The following KCNMA1 variants were observed in gnomAD, a reference collection of about 807,000 sequenced individuals.
KCNMA1 encodes potassium calcium-activated channel subfamily M alpha 1.
A neutral mutation model predicts 140.0 loss-of-function variants in KCNMA1; 29 were observed. The observed-to-expected ratio is 0.21, with a 90% CI of 0.15 to 0.28. The LOEUF is 0.28. Ranked by LOEUF, KCNMA1 falls within the 10% of genes least tolerant of loss-of-function variation. KCNMA1 has a pLI of 1.00. For missense variants in KCNMA1, 880 were observed against 1,602.2 expected, an observed-to-expected ratio of 0.55 and a Z score of 7.70; for synonymous variants, 612 against 611.9, an observed-to-expected ratio of 1.00 and a Z score of 0.00.
intron 1 of KCNMA1, among the ~76,000 whole-genome samples, chr10:77,527,540 C>G (rs1046912854): frequency 6.6e-6 from 1 of 152,126 alleles, no homozygotes; most frequent in East Asian, 1.9e-4. Context: ...CCAGGATGTC[C>G]AGGCCAGGAG....
intron 2 of KCNMA1, among the ~76,000 whole-genome samples, chr10:77,355,840 G>A (rs534551678): frequency 2.1e-4 from 25 of 117,586 alleles, no homozygotes; most frequent in Admixed American, 1.3e-3. Flanking sequence ...CATCCTTCTG[G>A]TAAAAGGAGA....
intron 9 of KCNMA1, among the ~76,000 whole-genome samples, chr10:77,097,202 G>C (rs2096955944): frequency 6.6e-6 from 1 of 152,100 alleles, no homozygotes; most frequent in Non-Finnish European, 1.5e-5. Context: ...ATGTCCTTCA[G>C]GGTTACTGTT....
chr10:76,969,311 A>AAGGGAGGAAGGAAGGAAGGAAGGAAGGG (rs1216095776), intron 20 of KCNMA1, among the ~76,000 whole-genome samples: 1 of 148,936 alleles, frequency 6.7e-6, no homozygotes, highest in Non-Finnish European at 1.5e-5. Flanking sequence ...GGAAGGAAGG[A>AAGGGAGGAAGGAAGGAAGGAAGGAAGGG]AGGAAGGAAG....
chr10:77,096,122 G>A (rs1012766834), intron 9 of KCNMA1, among the ~76,000 whole-genome samples: 2 of 152,144 alleles, frequency 1.3e-5, no homozygotes, highest in Non-Finnish European at 2.9e-5. Context: ...CTTTGATGTG[G>A]AAACAGGTTG....
At chr10:77,496,596 C>CA (rs201304328) in intron 1 of KCNMA1, among the ~76,000 whole-genome samples, 10,782 of 62,190 alleles carry the variant, frequency 0.17, 2,786 homozygotes, top group East Asian at 0.47. Flanking sequence ...GACACTGTCT[C>CA]AAAAAAAAAA....
At chr10:77,130,271 A>C (rs1387145201) in intron 5 of KCNMA1, among the ~76,000 whole-genome samples, 1 of 152,166 alleles carries the variant, frequency 6.6e-6, no homozygotes, top group African/African-American at 2.4e-5. Flanking sequence ...ACAGTATTCA[A>C]TACATTACAC....
intron 1 of KCNMA1, among the ~76,000 whole-genome samples, chr10:77,553,922 T>C (rs907523926): frequency 6.6e-6 from 1 of 152,076 alleles, no homozygotes; most frequent in Non-Finnish European, 1.5e-5. Flanking sequence ...AACACAGATT[T>C]GATATTCCAC....
chr10:77,539,807 C>T (rs899312862), intron 1 of KCNMA1, among the ~76,000 whole-genome samples: 19 of 152,188 alleles, frequency 1.2e-4, no homozygotes, highest in Admixed American at 2.0e-4. Context: ...AGCTCTGCTT[C>T]GTAATCTGCC....
At chr10:77,216,196 G>T (rs560336891) in intron 3 of KCNMA1, among the ~76,000 whole-genome samples, 1 of 152,286 alleles carries the variant, frequency 6.6e-6, no homozygotes, top group Non-Finnish European at 1.5e-5. Context: ...GGGACTGGGA[G>T]AATGTGGAAT....
At chr10:77,417,433 C>T (rs1454276663) in intron 1 of KCNMA1, among the ~76,000 whole-genome samples, 1 of 152,198 alleles carries the variant, frequency 6.6e-6, no homozygotes, top group Non-Finnish European at 1.5e-5. Context: ...TCCCAGGCAT[C>T]ACTGACGTCT....
chr10:76,949,921 C>T (rs1008188755), intron 21 of KCNMA1, among the ~76,000 whole-genome samples: 34 of 152,234 alleles, frequency 2.2e-4, no homozygotes, highest in African/African-American at 6.0e-4. Context: ...TGGAAAACTA[C>T]GACCCACAGG....
chr10:77,443,150 G>A (rs2097445772), intron 1 of KCNMA1, among the ~76,000 whole-genome samples: 2 of 152,178 alleles, frequency 1.3e-5, no homozygotes, highest in African/African-American at 4.8e-5. Context: ...TCCCACGAGG[G>A]GCCAGACTGG....
intron 1 of KCNMA1, among the ~76,000 whole-genome samples, chr10:77,412,256 C>G (rs1223130685): frequency 6.6e-6 from 1 of 152,190 alleles, no homozygotes; most frequent in Non-Finnish European, 1.5e-5. Flanking sequence ...CCCCTTTGTC[C>G]TCAAATTTTC....
chr10:76,883,911 A>T, downstream of KCNMA1: 4 of 683,688 alleles, frequency 5.9e-6, no homozygotes, highest in Non-Finnish European at 7.2e-6. Context: ...AATTTTGGCA[A>T]ATAAAATTGA....
At chr10:77,086,187 A>T (rs901582231) in intron 11 of KCNMA1, among the ~76,000 whole-genome samples, 1 of 152,240 alleles carries the variant, frequency 6.6e-6, no homozygotes, top group Non-Finnish European at 1.5e-5. Context: ...CTGGGTCCAT[A>T]TAACTGGTCT....
At chr10:76,900,687 T>G (rs1200039691) in intron 25 of KCNMA1, among the ~76,000 whole-genome samples, 1 of 152,104 alleles carries the variant, frequency 6.6e-6, no homozygotes, top group African/African-American at 2.4e-5. Context: ...ATATAAAATA[T>G]GTATTTACAT....
intron 15 of KCNMA1, among the ~76,000 whole-genome samples, chr10:77,033,680 A>T (rs2094113455): frequency 6.6e-6 from 1 of 152,090 alleles, no homozygotes; most frequent in Non-Finnish European, 1.5e-5. Context: ...CGTCCACCCC[A>T]TTTCCAACAG....
At chr10:77,344,147 C>G (rs1357399075) in intron 2 of KCNMA1, among the ~76,000 whole-genome samples, 2 of 152,212 alleles carry the variant, frequency 1.3e-5, no homozygotes, top group African/African-American at 4.8e-5. Flanking sequence ...TGGAAATTTA[C>G]AGGAGCAACT....
intron 1 of KCNMA1, among the ~76,000 whole-genome samples, chr10:77,515,063 C>G (rs1280246158): frequency 6.6e-6 from 1 of 152,176 alleles, no homozygotes; most frequent in East Asian, 1.9e-4. Flanking sequence ...CCCAGAAGAG[C>G]TTAAGGGCTC....
Sources: gnomAD v4.1 joint callset for allele counts (sites outside exome capture counted in the v4.1 genomes callset) on GRCh38, gnomAD v4.1.1 for gene constraint, MANE v1.5 for transcripts, NCBI Gene and HGNC (gene_info 2026-07-23, HGNC 2026-07-21) for gene names.